The following HERC1 variants were observed in gnomAD, a reference collection of about 807,000 sequenced individuals.
HERC1 encodes HECT and RLD domain containing E3 ubiquitin protein ligase family member 1.
HERC1 carries 160 observed loss-of-function variants against 554.3 expected under a neutral mutation model. The observed-to-expected ratio is 0.29, with a 90% CI of 0.25 to 0.33. The LOEUF is 0.33. Ranked by LOEUF, HERC1 falls within the 10% of genes least tolerant of loss-of-function variation. The pLI, the probability that HERC1 is intolerant of heterozygous loss-of-function variation, is 1.00. For synonymous variants in HERC1, 2,175 were observed against 2,131.7 expected (o/e 1.02, Z -0.56); for missense variants, 4,919 against 5,918.5 (o/e 0.83, Z 5.54).
chr15:63,779,669 A>G (rs752918464), intron 1 of HERC1: 1 of 152,220 alleles, frequency 6.6e-6, no homozygotes, highest in Non-Finnish European at 1.5e-5. Context: ...CAATAGGCTT[A>G]TAAATGTATA....
rs370736461 is a variant in HERC1 at position 63,725,314 on chromosome 15, T to G, written c.3546A>C (p.Val1182=). The change falls in exon 18 of 78, where the codon GTA becomes GTC. Residue 1182 remains valine (V), a synonymous_variant. Coordinates refer to ENST00000443617, the MANE Select transcript of HERC1 (RefSeq NM_003922.4). ...TACCCAATTGAGGAGTGTCCATTTC[T>G]ACACCGTCACTGAACAGTGGCGTTT... The part of the protein sequence containing the change: ...WMKTPLFSDG[V]EMDTPQLDKC... 1 of 1,613,802 alleles carries G rather than the reference T, an allele frequency of 6.2e-7. No homozygotes were observed. Among genetic ancestry groups the G allele is most frequent in the African/African-American group, 1.3e-5 (1 of 74,924 alleles).
chr15:63,811,903 T>C (rs567416374), intron 1 of HERC1, among the ~76,000 whole-genome samples: 1 of 152,302 alleles, frequency 6.6e-6, no homozygotes, highest in Non-Finnish European at 1.5e-5. Context: ...ATGGTTTTTC[T>C]ATTGTTAACC....
At chr15:63,739,492 C>T (rs2074700219) in intron 12 of HERC1, among the ~76,000 whole-genome samples, 3 of 152,074 alleles carry the variant, frequency 2.0e-5, no homozygotes, top group Admixed American at 2.0e-4. Flanking sequence ...CCACTGCACC[C>T]AGCCCACTAA....
At chr15:63,765,134 C>T (rs74904032) in intron 2 of HERC1, among the ~76,000 whole-genome samples, 3,253 of 152,266 alleles carry the variant, frequency 0.021, 46 homozygotes, top group Non-Finnish European at 0.031. Flanking sequence ...GGTAACTACT[C>T]TCTGTTCACC....
At chr15:63,622,613 G>A (rs768621297) in intron 74 of HERC1, among the ~76,000 whole-genome samples, 16 of 152,130 alleles carry the variant, frequency 1.1e-4, no homozygotes, top group Admixed American at 3.9e-4. Context: ...AATTACAGGC[G>A]TAAGCCACCA....
intron 1 of HERC1, among the ~76,000 whole-genome samples, chr15:63,805,958 A>AACAAAC (rs1372430053): frequency 1.7e-4 from 26 of 151,626 alleles, no homozygotes; most frequent in African/African-American, 7.3e-5. Flanking sequence ...AAAAAAAAAA[A>AACAAAC]AACAAACAAA....
Position 63,718,713 on chromosome 15 carries a change from T to C in HERC1, c.3858-19A>G, listed in dbSNP as rs1446462578. 20 of 1,601,246 alleles carry C rather than the reference T, an allele frequency of 1.2e-5. No individual in the cohort carries two copies. Among genetic ancestry groups the C allele is most frequent in the Admixed American group, 1.7e-5 (1 of 59,244 alleles). On this transcript the variant is annotated intron_variant, in intron 20 of 77. Coordinates refer to ENST00000443617, the MANE Select transcript of HERC1 (RefSeq NM_003922.4). The surrounding 1 kb of genome is among the most constrained non-coding windows in gnomAD (Gnocchi z 4.2). ...TTGATATCTAAATGAAGAACCAAAATAGAAAAGTTACCTAATTTCTGACAT... is the reference window on the plus strand; with the variant it reads ...TTGATATCTAAATGAAGAACCAAAACAGAAAAGTTACCTAATTTCTGACAT...
At chr15:63,811,578 G>C (rs7170477) in intron 1 of HERC1, among the ~76,000 whole-genome samples, 1 of 151,850 alleles carries the variant, frequency 6.6e-6, no homozygotes, top group Non-Finnish European at 1.5e-5. Context: ...CGGCGGCCGA[G>C]ACGGGCAGAT....
At chr15:63,799,020 C>G (rs1228374500) in intron 1 of HERC1, among the ~76,000 whole-genome samples, 1 of 152,152 alleles carries the variant, frequency 6.6e-6, no homozygotes, top group Non-Finnish European at 1.5e-5. Context: ...CATCTCTGGG[C>G]TTACTTTTTA....
chr15:63,705,399 G>C (rs781503994), intron 25 of HERC1, among the ~76,000 whole-genome samples: 1 of 151,868 alleles, frequency 6.6e-6, no homozygotes, highest in Non-Finnish European at 1.5e-5. Context: ...TTACAGGTGT[G>C]AGCCACCACA....
chr15:63,756,477 T>G lies in HERC1; in HGVS notation c.1493A>C (p.Gln498Pro). The G allele has an allele frequency of 3.7e-6, 6 of 1,613,982 alleles. No individual in the cohort carries two copies. The highest frequency in any genetic ancestry group is 5.1e-6 in the Non-Finnish European group (6 of 1,179,862). Residue 498 changes from glutamine (Q) to proline (P), a missense_variant, in exon 5 of 78, where the codon CAG (glutamine) becomes CCG (proline). Coordinates refer to ENST00000443617, the MANE Select transcript of HERC1 (RefSeq NM_003922.4). The surrounding 1 kb of genome is among the most constrained non-coding windows in gnomAD (Gnocchi z 5.0). ...TCCCTGAATAAGCTTGGGATATTTC[T>G]GTGTTGAACTATTTCCATGCCCCAG... ...GKLGHGNSSTQKYPKLIQGPL... is the reference protein window; with the variant it reads ...GKLGHGNSSTPKYPKLIQGPL...
chr15:63,816,761 A>C (rs1287792338), intron 1 of HERC1, among the ~76,000 whole-genome samples: 1 of 152,206 alleles, frequency 6.6e-6, no homozygotes, highest in Admixed American at 6.5e-5. Context: ...CTAAACATAC[A>C]ACTTACAGGG....
At chr15:63,827,787 C>T (rs759251241) in intron 1 of HERC1, among the ~76,000 whole-genome samples, 13 of 152,114 alleles carry the variant, frequency 8.5e-5, no homozygotes, top group Admixed American at 2.6e-4. Context: ...ATTCACATAA[C>T]GGAATAACAT....
chr15:63,795,065 CAAA>C (rs1177647525), intron 1 of HERC1, among the ~76,000 whole-genome samples: 1 of 68,968 alleles, frequency 1.4e-5, no homozygotes, highest in African/African-American at 6.3e-5. Flanking sequence ...GACTCTGTCT[CAAA>C]AAAAAAAAAA....
In HERC1 at chr15:63,775,369, G is replaced by C. The variant is rs2076083903; in HGVS notation, c.255C>G (p.Ser85Arg). ...QDHYLDALLS[S>R]QLALAKMVCS... ...ATACCATCTTTGCCAATGCTAGCTG[G>C]CTGCTAAGAAGGGCATCCAAATAGT... The change falls in exon 2 of 78, where the codon AGC becomes AGG. Residue 85 changes from serine (S) to arginine (R), a missense_variant. Transcript: ENST00000443617. The surrounding 1 kb of genome is among the most constrained non-coding windows in gnomAD (Gnocchi z 4.0). 6.2e-7 allele frequency: 1 copy of C among 1,613,820 alleles called. No homozygotes were observed. Among genetic ancestry groups the C allele is most frequent in the Non-Finnish European group, 8.5e-7 (1 of 1,179,846 alleles).
chr15:63,765,602 G>A (rs944916506), intron 2 of HERC1, among the ~76,000 whole-genome samples: 1 of 152,032 alleles, frequency 6.6e-6, no homozygotes, highest in Non-Finnish European at 1.5e-5. Context: ...ACTCCTTATT[G>A]TAACCCACAC....
At chr15:63,738,242 T>C (rs1275079373) in intron 12 of HERC1, among the ~76,000 whole-genome samples, 2 of 152,088 alleles carry the variant, frequency 1.3e-5, no homozygotes, top group African/African-American at 4.8e-5. Context: ...TCATGAAATG[T>C]CAAGCTCGTG....
chr15:63,656,190 A>G lies in HERC1; in HGVS notation c.9768T>C (p.Ala3256=). 2 of 1,612,674 alleles carry G rather than the reference A, an allele frequency of 1.2e-6. No homozygotes were observed. The highest frequency in any genetic ancestry group is 1.7e-6 in the Non-Finnish European group (2 of 1,179,324). Residue 3256 remains alanine (A), a synonymous_variant, in exon 49 of 78, where the codon GCT becomes GCC. Transcript: ENST00000443617. ...SERSRGGHSK[A]NKPISCLAYL... ...AGGCCAGGCAAGAGATAGGCTTGTT[A>G]GCCTTGCTATGCCCACCTCGTGATC...
rs62012818 is a variant in HERC1 at position 63,612,081 on chromosome 15, C to T, written c.14400+170G>A. On this transcript the variant is annotated intron_variant, in intron 77 of 77. Coordinates refer to ENST00000443617, the MANE Select transcript of HERC1 (RefSeq NM_003922.4). This position sits in a 1 kb window ranked among gnomAD's most constrained non-coding sequence, Gnocchi z 5.0. ...CACGCACCTGTAGTCCCAGCTACTG[C>T]GGAGGCTGAGGCAGGAGAACTGCTT... 5.9e-5 allele frequency among the ~76,000 whole-genome samples: 9 copies of T among 152,090 alleles called. No individual in the cohort carries two copies. The South Asian group carries it at 1.0e-3, about 18-fold the overall frequency.
Sources: gnomAD v4.1 joint callset for allele counts (sites outside exome capture counted in the v4.1 genomes callset) on GRCh38, gnomAD v4.1.1 for gene constraint, Gnocchi (gnomAD v3.1) non-coding constraint, MANE v1.5 for transcripts, NCBI Gene and HGNC (gene_info 2026-07-23, HGNC 2026-07-21) for gene names.